The following CMSS1 variants were observed in gnomAD, a reference collection of about 807,000 sequenced individuals.
The protein encoded by CMSS1 is cms1 ribosomal small subunit homolog.
Under a neutral mutation model 43.5 loss-of-function variants are expected in CMSS1, and 33 were observed. The observed-to-expected ratio is 0.76, with a 90% CI of 0.57 to 1.01. CMSS1 has a LOEUF of 1.01. Among genes scored for constraint, CMSS1 ranks in the 50% least tolerant of loss-of-function variants. The probability of loss-of-function intolerance (pLI) is 0.00; values close to 1 mark genes in which losing one functional copy is unlikely to be tolerated. For missense variants in CMSS1, 313 were observed against 326.4 expected, an observed-to-expected ratio of 0.96 and a Z score of 0.32; for synonymous variants, 115 against 117.2, an observed-to-expected ratio of 0.98 and a Z score of 0.12.
intron 1 of CMSS1, among the ~76,000 whole-genome samples, chr3:99,878,331 G>C (rs1705607307): frequency 6.6e-6 from 1 of 152,212 alleles, no homozygotes; most frequent in South Asian, 2.1e-4. Context: ...AACACATTTT[G>C]ATGTGATATG....
intron 1 of CMSS1, chr3:99,833,309 A>T: frequency 6.7e-7 from 1 of 1,502,718 alleles, no homozygotes; most frequent in Non-Finnish European, 9.2e-7. Flanking sequence ...AATATATTAA[A>T]TTCTAAAAGT....
At chr3:100,080,608 G>A (rs879579673) in intron 1 of CMSS1, among the ~76,000 whole-genome samples, 2 of 152,194 alleles carry the variant, frequency 1.3e-5, no homozygotes, top group Admixed American at 6.5e-5. Flanking sequence ...AAACTGGTTA[G>A]GTATGAAGGA....
At chr3:99,836,178 C>T (rs1027218398) in intron 1 of CMSS1, among the ~76,000 whole-genome samples, 16 of 152,144 alleles carry the variant, frequency 1.1e-4, no homozygotes, top group Non-Finnish European at 1.0e-4. Flanking sequence ...GATTAACTAT[C>T]TTACAGTACC....
chr3:100,035,493 G>A (rs1369555324), intron 1 of CMSS1, among the ~76,000 whole-genome samples: 1 of 152,076 alleles, frequency 6.6e-6, no homozygotes, highest in African/African-American at 2.4e-5. Context: ...GGCTGGTCTC[G>A]AACTCCTGAT....
chr3:99,888,991 GTT>G (rs1706000014), intron 1 of CMSS1, among the ~76,000 whole-genome samples: 1 of 152,090 alleles, frequency 6.6e-6, no homozygotes, highest in Non-Finnish European at 1.5e-5. Context: ...TGATCAGTAT[GTT>G]ATCTATCCTT....
At chr3:99,820,535 A>G (rs894718098) in intron 1 of CMSS1, among the ~76,000 whole-genome samples, 1 of 152,216 alleles carries the variant, frequency 6.6e-6, no homozygotes, top group South Asian at 2.1e-4. Flanking sequence ...TAAATTTATC[A>G]GAGGCCTTTG....
intron 1 of CMSS1, among the ~76,000 whole-genome samples, chr3:99,875,379 C>G (rs1485627674): frequency 6.6e-6 from 1 of 152,104 alleles, no homozygotes; most frequent in East Asian, 1.9e-4. Flanking sequence ...TAATATACTA[C>G]TATCCAAAAT....
chr3:100,137,156 A>C (rs2066762732), intron 1 of CMSS1, among the ~76,000 whole-genome samples: 1 of 152,216 alleles, frequency 6.6e-6, no homozygotes, highest in Non-Finnish European at 1.5e-5. Context: ...GCCCTGGCCA[A>C]ATAAAACATT....
At chr3:99,966,665 C>T (rs1427439236) in intron 1 of CMSS1, among the ~76,000 whole-genome samples, 1 of 152,184 alleles carries the variant, frequency 6.6e-6, no homozygotes, top group Non-Finnish European at 1.5e-5. Context: ...TTTCAACCTT[C>T]AAACTCTAGC....
intron 1 of CMSS1, among the ~76,000 whole-genome samples, chr3:100,063,990 T>G (rs1040561736): frequency 8.5e-5 from 13 of 152,212 alleles, no homozygotes; most frequent in Non-Finnish European, 1.5e-4. Context: ...ATGTTCACAC[T>G]TAAGGTTGGA....
chr3:99,979,889 A>G (rs1387953419), intron 1 of CMSS1, among the ~76,000 whole-genome samples: 1 of 152,156 alleles, frequency 6.6e-6, no homozygotes, highest in Non-Finnish European at 1.5e-5. Flanking sequence ...CTTAAAAGAG[A>G]GAGAGCGGGA....
At chr3:99,997,030 G>A (rs532161399) in intron 1 of CMSS1, among the ~76,000 whole-genome samples, 1 of 152,272 alleles carries the variant, frequency 6.6e-6, no homozygotes, top group African/African-American at 2.4e-5. Flanking sequence ...AGCATTAAAT[G>A]CGTACATCAA....
intron 1 of CMSS1, among the ~76,000 whole-genome samples, chr3:99,984,971 T>G (rs1709287924): frequency 6.6e-6 from 1 of 152,152 alleles, no homozygotes; most frequent in Non-Finnish European, 1.5e-5. Context: ...AGAAAAGATT[T>G]AGTGGAAATG....
chr3:99,836,005 A>G (rs1053799018), intron 1 of CMSS1, among the ~76,000 whole-genome samples: 1 of 152,196 alleles, frequency 6.6e-6, no homozygotes, highest in South Asian at 2.1e-4. Context: ...GGGTATGTCC[A>G]GAGTTTCAAA....
At chr3:99,949,087 C>A (rs1708100982) in intron 1 of CMSS1, among the ~76,000 whole-genome samples, 1 of 151,406 alleles carries the variant, frequency 6.6e-6, no homozygotes, top group Non-Finnish European at 1.5e-5. Flanking sequence ...GAGTAAATTC[C>A]AAAAAAAATT....
chr3:99,989,682 ATAT>A (rs1404819775), intron 1 of CMSS1, among the ~76,000 whole-genome samples: 87 of 23,376 alleles, frequency 3.7e-3, no homozygotes, highest in African/African-American at 0.019. Flanking sequence ...ATATATATAT[ATAT>A]TTTTTTTCTT....
intron 1 of CMSS1, among the ~76,000 whole-genome samples, chr3:99,909,931 G>A (rs533924558): frequency 4.3e-5 from 6 of 138,658 alleles, no homozygotes; most frequent in Non-Finnish European, 9.9e-5. Context: ...GTCAACAAGA[G>A]CTGTTGTCAT....
chr3:100,070,932 G>C (rs745789337), intron 1 of CMSS1, among the ~76,000 whole-genome samples: 3 of 152,028 alleles, frequency 2.0e-5, no homozygotes, highest in South Asian at 2.1e-4. Flanking sequence ...CGCCTGGCCT[G>C]TGGTTTTCTT....
At chr3:100,164,553 A>G (rs937698068) in intron 4 of CMSS1, among the ~76,000 whole-genome samples, 1 of 152,192 alleles carries the variant, frequency 6.6e-6, no homozygotes, top group Non-Finnish European at 1.5e-5. Flanking sequence ...AAATAACGTT[A>G]TAACCAAAAA....
Sources: gnomAD v4.1 joint callset for allele counts (sites outside exome capture counted in the v4.1 genomes callset) on GRCh38, gnomAD v4.1.1 for gene constraint, MANE v1.5 for transcripts, NCBI Gene and HGNC (gene_info 2026-07-23, HGNC 2026-07-21) for gene names.